Variants in TSPAN8 observed in about 807,000 individuals in gnomAD.
TSPAN8 encodes tetraspanin 8.
Under a neutral mutation model 32.8 loss-of-function variants are expected in TSPAN8, and 21 were observed. The observed-to-expected ratio is 0.64, with a 90% confidence interval of 0.45 to 0.92. The LOEUF is 0.92. TSPAN8 is among the 40% of genes least tolerant of loss of function. The pLI is 0.00. For missense variants in TSPAN8, 269 were observed against 281.9 expected, an observed-to-expected ratio of 0.95 and a Z score of 0.33; for synonymous variants, 95 against 94.6, an observed-to-expected ratio of 1.00 and a Z score of -0.03.
At chr12:71,148,334 T>C (rs1003934106) in intron 2 of TSPAN8, among the ~76,000 whole-genome samples, 4 of 152,236 alleles carry the variant, frequency 2.6e-5, no homozygotes, top group Non-Finnish European at 4.4e-5. Flanking sequence ...CATTGTCTTC[T>C]GACTTTCAGG....
intron 3 of TSPAN8, among the ~76,000 whole-genome samples, chr12:71,143,229 C>T (rs1426360331): frequency 6.6e-6 from 1 of 151,990 alleles, no homozygotes; most frequent in Non-Finnish European, 1.5e-5. Context: ...GGGGATGGAG[C>T]CCCAGAATAG....
chr12:71,129,665 A>G (rs746959746), intron 7 of TSPAN8, among the ~76,000 whole-genome samples: 32 of 152,158 alleles, frequency 2.1e-4, no homozygotes, highest in Non-Finnish European at 4.0e-4. Flanking sequence ...TGTTGAATCT[A>G]GGGATTAATA....
At chr12:71,152,418 T>C (rs1024525878) in intron 2 of TSPAN8, among the ~76,000 whole-genome samples, 1 of 152,224 alleles carries the variant, frequency 6.6e-6, no homozygotes, top group Non-Finnish European at 1.5e-5. Context: ...TAAAAACACC[T>C]ATAAAATACT....
chr12:71,139,933 C>T, intron 3 of TSPAN8, 85 bp from the exon 4 acceptor site: 1 of 1,289,430 alleles, frequency 7.8e-7, no homozygotes, highest in Non-Finnish European at 1.0e-6. Flanking sequence ...TTGAGTGCCT[C>T]CTATGTGTCA....
intron 3 of TSPAN8, among the ~76,000 whole-genome samples, chr12:71,142,876 G>A (rs923229550): frequency 6.6e-6 from 1 of 151,036 alleles, no homozygotes; most frequent in Non-Finnish European, 1.5e-5. Flanking sequence ...GATAGAGTGA[G>A]AAAGAAATTT....
chr12:71,136,203 T>C (rs1592402271), intron 6 of TSPAN8, among the ~76,000 whole-genome samples: 1 of 152,132 alleles, frequency 6.6e-6, no homozygotes, highest in Non-Finnish European at 1.5e-5. Flanking sequence ...AAATCTATCA[T>C]ATATAAAAGC....
intron 2 of TSPAN8, among the ~76,000 whole-genome samples, chr12:71,149,581 C>T (rs1295032765): frequency 1.3e-5 from 2 of 152,344 alleles, no homozygotes; most frequent in African/African-American, 4.8e-5. Context: ...GGACCCCAAA[C>T]AGAGGGACTG....
At chr12:71,139,316 G>C (rs1871817830) in intron 4 of TSPAN8, 2 of 453,232 alleles carry the variant, frequency 4.4e-6, no homozygotes, top group South Asian at 3.4e-5. Context: ...TTCTGCCCTG[G>C]TTTGAAAATC....
intron 2 of TSPAN8, among the ~76,000 whole-genome samples, chr12:71,152,496 T>G (rs577283035): frequency 6.6e-6 from 1 of 152,336 alleles, no homozygotes; most frequent in South Asian, 2.1e-4. Flanking sequence ...ATTAACTTAT[T>G]TAATCATCAC....
intron 2 of TSPAN8, among the ~76,000 whole-genome samples, chr12:71,156,526 T>A (rs1872450469): frequency 6.6e-6 from 1 of 152,098 alleles, no homozygotes; most frequent in Admixed American, 6.5e-5. Flanking sequence ...ACTTACTTAT[T>A]TAAAAGTCAC....
chr12:71,141,584 T>C (rs915682888), intron 3 of TSPAN8, among the ~76,000 whole-genome samples: 2 of 152,188 alleles, frequency 1.3e-5, no homozygotes, highest in African/African-American at 4.8e-5. Flanking sequence ...GACCAGCACT[T>C]GTGCAGCAGG....
chr12:71,157,425 C>A (rs1872480105), intron 2 of TSPAN8, 194 bp downstream of exon 2: 1 of 501,996 alleles, frequency 2.0e-6, no homozygotes. Context: ...CTGAAGTGCA[C>A]TTTTTTGAGT....
chr12:71,139,879 A>G, intron 3 of TSPAN8, 31 bp from the exon 4 acceptor site: 1 of 1,597,506 alleles, frequency 6.3e-7, no homozygotes, highest in African/African-American at 1.3e-5. Flanking sequence ...ATGGCAGAAA[A>G]TTTATTTCCT....
rs774951184 is a variant in TSPAN8, at chr12:71,129,286, CAA to C, written c.660+43_660+44del. ...ATCAATATTTCTTGAAATTAATGAACAAGCAAGGGAATAAAAGAGTCAATAAT... is the reference window on the plus strand; with the variant it reads ...ATCAATATTTCTTGAAATTAATGAACGCAAGGGAATAAAAGAGTCAATAAT... On this transcript the variant is annotated intron_variant, in intron 8 of 8. Transcript: ENST00000247829. The C allele has an allele frequency of 2.5e-5, 35 of 1,396,838 alleles. No individual in the cohort carries two copies. The Admixed American group carries it at 8.3e-4, about 33-fold the overall frequency. The allele number at this position is 1,396,838 out of a possible 1,614,324, so 86.5% of individuals were successfully genotyped here.
At chr12:71,157,007 T>C (rs889124938) in intron 2 of TSPAN8, 1 of 152,210 alleles carries the variant, frequency 6.6e-6, no homozygotes, top group African/African-American at 2.4e-5. Flanking sequence ...ATACAAATCC[T>C]GTCAATTAAA....
Position 71,157,630 on chromosome 12 carries a change from A to C in TSPAN8, c.49T>G (p.Phe17Val). ...AGGAAAACACTTACCCAGAACAAGA[A>C]GTTGAAGGTAAACATAGAATATTTT... Reference protein sequence around the residue: ...CIKYSMFTFNFLFWLCGILIL... With the variant: ...CIKYSMFTFNVLFWLCGILIL... The change falls in exon 2 of 9, where the codon TTC (phenylalanine) becomes GTC (valine). Residue 17 changes from phenylalanine (F) to valine (V), a missense_variant. Physicochemically the swap from Phe to Val is conservative, Grantham distance 50. Transcript: ENST00000247829. 2 of 1,612,542 alleles carry C rather than the reference A, an allele frequency of 1.2e-6. No individual in the cohort carries two copies. Among genetic ancestry groups the C allele is most frequent in the Non-Finnish European group, 1.7e-6 (2 of 1,178,650 alleles).
At chr12:71,136,857 C>T (rs1592402558) in intron 6 of TSPAN8, among the ~76,000 whole-genome samples, 1 of 152,096 alleles carries the variant, frequency 6.6e-6, no homozygotes, top group Admixed American at 6.5e-5. Flanking sequence ...ATGATATTAC[C>T]CATCCACAGG....
intron 2 of TSPAN8, among the ~76,000 whole-genome samples, chr12:71,147,583 C>T (rs1413488577): frequency 1.3e-5 from 2 of 152,144 alleles, no homozygotes; most frequent in Admixed American, 6.5e-5. Context: ...ACAAGGATTC[C>T]GAAAGCCCTA....
chr12:71,149,166 AC>A (rs763086296), intron 2 of TSPAN8, among the ~76,000 whole-genome samples: 5 of 152,148 alleles, frequency 3.3e-5, no homozygotes, highest in Non-Finnish European at 7.4e-5. Context: ...GGAGTTCAAG[AC>A]CAGTTTGGCC....
Sources: gnomAD v4.1 joint callset for allele counts (sites outside exome capture counted in the v4.1 genomes callset) on GRCh38, gnomAD v4.1.1 for gene constraint, MANE v1.5 for transcripts, NCBI Gene and HGNC (gene_info 2026-07-23, HGNC 2026-07-21) for gene names.